The following CDH13 variants were observed in gnomAD, a reference collection of about 807,000 sequenced individuals.
CDH13 encodes the protein cadherin-13.
CDH13 carries 24 observed loss-of-function variants against 63.8 expected under a neutral mutation model. The observed-to-expected ratio is 0.38, with a 90% CI of 0.27 to 0.53. CDH13 has a LOEUF of 0.53. CDH13 is among the 20% of genes least tolerant of loss of function. The pLI, the probability that CDH13 is intolerant of heterozygous loss-of-function variation, is 0.85. For missense variants in CDH13, 1,049 were observed against 903.1 expected (o/e 1.16, Z -2.07); for synonymous variants, 503 against 355.3 (o/e 1.42, Z -4.67).
intron 8 of CDH13, among the ~76,000 whole-genome samples, chr16:83,666,063 T>C (rs1913921332): frequency 6.6e-6 from 1 of 152,248 alleles, no homozygotes; most frequent in South Asian, 2.1e-4. Context: ...TATCTTGTAT[T>C]TGATTTGCCA....
chr16:83,085,548 A>G (rs1000819482), intron 3 of CDH13, among the ~76,000 whole-genome samples: 1 of 152,190 alleles, frequency 6.6e-6, no homozygotes, highest in Non-Finnish European at 1.5e-5. Context: ...ATCAAAAACC[A>G]CTAGAAGTCT....
intron 1 of CDH13, among the ~76,000 whole-genome samples, chr16:82,648,545 G>C (rs538318397): frequency 9.2e-5 from 14 of 152,266 alleles, no homozygotes; most frequent in African/African-American, 3.1e-4. Context: ...ATACTAAACA[G>C]GAGATTGTGT....
intron 2 of CDH13, among the ~76,000 whole-genome samples, chr16:82,959,747 C>T (rs1245765232): frequency 9.2e-5 from 14 of 152,166 alleles, no homozygotes; most frequent in African/African-American, 2.2e-4. Context: ...TTTATATCTC[C>T]GAGTAGTACT....
chr16:82,808,958 C>A (rs2037300036), intron 1 of CDH13, among the ~76,000 whole-genome samples: 1 of 151,910 alleles, frequency 6.6e-6, no homozygotes, highest in Admixed American at 6.6e-5. Flanking sequence ...TAGGTAGGTG[C>A]AATAAACTAA....
chr16:82,787,768 T>C (rs1386144556), intron 1 of CDH13, among the ~76,000 whole-genome samples: 2 of 148,484 alleles, frequency 1.3e-5, no homozygotes, highest in African/African-American at 4.9e-5. Flanking sequence ...AACAATTTTG[T>C]TTGTTTTTTC....
At chr16:82,934,833 A>G (rs529281270) in intron 2 of CDH13, among the ~76,000 whole-genome samples, 1 of 152,226 alleles carries the variant, frequency 6.6e-6, no homozygotes, top group African/African-American at 2.4e-5. Context: ...AGATCACCTC[A>G]GCCTGGACTT....
intron 2 of CDH13, among the ~76,000 whole-genome samples, chr16:82,887,504 C>A (rs1321285626): frequency 6.6e-6 from 1 of 152,142 alleles, no homozygotes; most frequent in Non-Finnish European, 1.5e-5. Context: ...CAGGAAGGAT[C>A]TGGGTAGGTG....
At chr16:82,692,378 C>T (rs138011088) in intron 1 of CDH13, among the ~76,000 whole-genome samples, 201 of 152,276 alleles carry the variant, frequency 1.3e-3, no homozygotes, top group Non-Finnish European at 1.9e-3. Context: ...TGTATGGTAG[C>T]GGAGGCTTCA....
intron 4 of CDH13, among the ~76,000 whole-genome samples, chr16:83,203,660 T>TGA (rs1597509667): frequency 1.3e-4 from 1 of 7,482 alleles, no homozygotes; most frequent in African/African-American, 3.2e-4. Flanking sequence ...AGACTCCATC[T>TGA]CAAAAAAAAA....
intron 1 of CDH13, among the ~76,000 whole-genome samples, chr16:82,700,520 AGTGTGTGTGTGT>A (rs5818398): frequency 1.2e-4 from 18 of 150,906 alleles, no homozygotes; most frequent in Admixed American, 8.6e-4. Flanking sequence ...AGGGCTAGTA[AGTGTGTGTGTGT>A]GTGTGTGTGT....
chr16:82,650,141 G>A (rs1161030413), intron 1 of CDH13, among the ~76,000 whole-genome samples: 1 of 152,132 alleles, frequency 6.6e-6, no homozygotes, highest in East Asian at 1.9e-4. Context: ...TGTCTTCCAG[G>A]GAGAAATAGA....
At chr16:82,815,464 T>G (rs573662901) in intron 1 of CDH13, among the ~76,000 whole-genome samples, 1 of 152,272 alleles carries the variant, frequency 6.6e-6, no homozygotes, top group South Asian at 2.1e-4. Flanking sequence ...GCTGGTAGTG[T>G]GTGTCAGGTG....
chr16:83,129,663 G>C (rs145260174), intron 4 of CDH13, among the ~76,000 whole-genome samples: 28 of 152,304 alleles, frequency 1.8e-4, no homozygotes, highest in African/African-American at 5.8e-4. Flanking sequence ...GCTTCCAGGG[G>C]TGTAAATTCC....
chr16:82,849,037 T>G (rs763714290), intron 1 of CDH13, among the ~76,000 whole-genome samples: 6 of 152,166 alleles, frequency 3.9e-5, no homozygotes, highest in Non-Finnish European at 8.8e-5. Context: ...TCTGAATAGA[T>G]GATCAAACCA....
chr16:83,756,415 C>G (rs1028647309), intron 11 of CDH13, among the ~76,000 whole-genome samples: 1 of 152,222 alleles, frequency 6.6e-6, no homozygotes, highest in Non-Finnish European at 1.5e-5. Flanking sequence ...TACAGTCTCT[C>G]CTAAAAACAC....
At chr16:83,427,241 A>G (rs1357850100) in intron 6 of CDH13, among the ~76,000 whole-genome samples, 1 of 151,954 alleles carries the variant, frequency 6.6e-6, no homozygotes, top group Non-Finnish European at 1.5e-5. Flanking sequence ...TGGTCAAAGA[A>G]ACCTTCTAGA....
At position 83,356,211 on chromosome 16, in the gene CDH13, C is replaced by CGTGT. The variant is rs2091050954; in HGVS notation, c.781+11205_781+11206insGTGT. Among the ~76,000 whole-genome samples, 16 of 60,788 alleles carry CGTGT rather than the reference C, an allele frequency of 2.6e-4. No individual in the cohort carries two copies. The East Asian group carries it at 4.1e-3, about 16-fold the overall frequency. The allele number at this position is 60,788 out of a possible 152,430, so 39.9% of individuals were successfully genotyped here. ...ACAGATGAGTGAGTTTATTTATTTTCATGTGTGTGTGTGTGTGTGTGTGTG... is the reference window on the plus strand; with the variant it reads ...ACAGATGAGTGAGTTTATTTATTTTCGTGTATGTGTGTGTGTGTGTGTGTGTGTG... On this transcript the variant is annotated intron_variant, in intron 6 of 13. Coordinates refer to ENST00000567109, the MANE Select transcript of CDH13 (RefSeq NM_001257.5).
At chr16:83,646,124 A>G (rs909202448) in intron 8 of CDH13, among the ~76,000 whole-genome samples, 1 of 152,070 alleles carries the variant, frequency 6.6e-6, no homozygotes, top group African/African-American at 2.4e-5. Flanking sequence ...CGTGAAAGCC[A>G]CCAGGTAGGG....
At chr16:82,738,645 C>T (rs1173805253) in intron 1 of CDH13, among the ~76,000 whole-genome samples, 1 of 152,230 alleles carries the variant, frequency 6.6e-6, no homozygotes, top group African/African-American at 2.4e-5. Flanking sequence ...AGGTTCCTGA[C>T]CTCATGCCAG....
Sources: gnomAD v4.1 joint callset for allele counts (sites outside exome capture counted in the v4.1 genomes callset) on GRCh38, gnomAD v4.1.1 for gene constraint, MANE v1.5 for transcripts, NCBI Gene and HGNC (gene_info 2026-07-23, HGNC 2026-07-21) for gene names.